DLGAP1: variants seen among roughly 807,000 people sequenced by gnomAD.
The protein encoded by DLGAP1 is DLG associated protein 1.
DLGAP1 carries 11 observed loss-of-function variants against 90.8 expected under a neutral mutation model. The ratio of observed to expected loss-of-function variants is 0.12; its 90% CI spans 0.08 to 0.20. The LOEUF (loss-of-function observed/expected upper bound fraction) is 0.20. Ranked by LOEUF, DLGAP1 falls within the 10% of genes least tolerant of loss-of-function variation. DLGAP1 has a pLI of 1.00. For missense variants in DLGAP1, 1,050 were observed against 1,333.8 expected (o/e 0.79, Z 3.31); for synonymous variants, 558 against 540.7 (o/e 1.03, Z -0.44).
At chr18:3,556,091 A>G (rs116576765) in intron 9 of DLGAP1, among the ~76,000 whole-genome samples, 65 of 152,330 alleles carry the variant, frequency 4.3e-4, no homozygotes, top group African/African-American at 1.5e-3. Context: ...CACTGAGGTT[A>G]ATGCTATAGT....
chr18:4,187,389 A>G (rs1004013847), intron 1 of DLGAP1, among the ~76,000 whole-genome samples: 2 of 152,130 alleles, frequency 1.3e-5, no homozygotes, highest in African/African-American at 4.8e-5. Flanking sequence ...GTTCCAAGAT[A>G]TTGATCCCCC....
At chr18:3,600,315 G>A (rs912858637) in intron 7 of DLGAP1, among the ~76,000 whole-genome samples, 2 of 151,844 alleles carry the variant, frequency 1.3e-5, no homozygotes, top group African/African-American at 2.4e-5. Flanking sequence ...GCAATGGCAC[G>A]CACGATCTCG....
chr18:3,650,538 G>A (rs1287879052), intron 7 of DLGAP1, among the ~76,000 whole-genome samples: 4 of 152,164 alleles, frequency 2.6e-5, no homozygotes, highest in Non-Finnish European at 5.9e-5. Flanking sequence ...GAGAACATTC[G>A]TTTGTTTAGT....
At chr18:3,609,352 TCTTC>T (rs2057484723) in intron 7 of DLGAP1, among the ~76,000 whole-genome samples, 1 of 152,196 alleles carries the variant, frequency 6.6e-6, no homozygotes, top group South Asian at 2.1e-4. Flanking sequence ...CGGGCCTGAG[TCTTC>T]CTTTGGAAGG....
chr18:4,022,831 A>G (rs1396503913), intron 2 of DLGAP1, among the ~76,000 whole-genome samples: 1 of 124,698 alleles, frequency 8.0e-6, no homozygotes, highest in South Asian at 2.6e-4. Context: ...CCATTTCTAT[A>G]TATCTTCACC....
At chr18:4,404,535 C>G (rs771725906) in intron 1 of DLGAP1, among the ~76,000 whole-genome samples, 1 of 152,104 alleles carries the variant, frequency 6.6e-6, no homozygotes, top group Non-Finnish European at 1.5e-5. Flanking sequence ...CAAAAACATA[C>G]AATATTACAT....
At position 3,874,723 on chromosome 18, in the gene DLGAP1, C is replaced by G. The variant is rs1391773047; in HGVS notation, c.957+4389G>C. 2.6e-6 allele frequency: 4 copies of G among 1,525,876 alleles called. 1 individual carries two copies. In the South Asian group the frequency reaches 3.7e-5, roughly 14 times the overall value. 94.5% of individuals were successfully genotyped at this position (1,525,876 alleles called of 1,614,324 possible). A position where few individuals can be genotyped will look rare whatever the true frequency, so the allele number is the denominator to read the frequency against. On this transcript the variant is annotated intron_variant, in intron 4 of 12. Coordinates refer to ENST00000315677, the MANE Select transcript of DLGAP1 (RefSeq NM_004746.4). ...CAAATCCATGTTCCTGCTCCCAACC[C>G]TAATACAGACAGTCACTGGCAGCGG... is the stretch of plus-strand genomic sequence containing the variant.
At chr18:4,071,029 G>A (rs116565313) in intron 2 of DLGAP1, among the ~76,000 whole-genome samples, 9 of 152,096 alleles carry the variant, frequency 5.9e-5, no homozygotes, top group African/African-American at 2.2e-4. Context: ...AGTAACTTAT[G>A]AGAAATGTGA....
intron 7 of DLGAP1, among the ~76,000 whole-genome samples, chr18:3,596,229 G>A (rs1306226268): frequency 6.6e-6 from 1 of 151,684 alleles, no homozygotes; most frequent in Admixed American, 6.6e-5. Flanking sequence ...GTGCGATCTC[G>A]GCTCACTGCA....
At chr18:4,109,290 A>G (rs529640060) in intron 2 of DLGAP1, among the ~76,000 whole-genome samples, 3 of 152,132 alleles carry the variant, frequency 2.0e-5, no homozygotes, top group Non-Finnish European at 4.4e-5. Flanking sequence ...TAATTATATT[A>G]GGCCCACTAA....
chr18:3,657,603 CTTTTT>C (rs1156440850), intron 7 of DLGAP1, among the ~76,000 whole-genome samples: 1 of 134,352 alleles, frequency 7.4e-6, no homozygotes. Context: ...CCATGGAATT[CTTTTT>C]TTTTTTTTTT....
At chr18:3,622,205 T>C (rs1258638902) in intron 7 of DLGAP1, among the ~76,000 whole-genome samples, 7 of 151,564 alleles carry the variant, frequency 4.6e-5, no homozygotes, top group Non-Finnish European at 8.8e-5. Context: ...CCCAGGTTCA[T>C]GCCATTCTCC....
chr18:4,186,726 T>G (rs1488499109), intron 1 of DLGAP1, among the ~76,000 whole-genome samples: 1 of 152,184 alleles, frequency 6.6e-6, no homozygotes, highest in Non-Finnish European at 1.5e-5. Flanking sequence ...CCAGCTTTGT[T>G]CTTTTTGCTT....
At chr18:3,538,700 A>G (rs982983987) in intron 9 of DLGAP1, among the ~76,000 whole-genome samples, 39 of 152,390 alleles carry the variant, frequency 2.6e-4, no homozygotes, top group African/African-American at 9.4e-4. Context: ...CCACGCTCCA[A>G]GATCCTGTAT....
At chr18:3,781,545 G>A (rs925450011) in intron 5 of DLGAP1, among the ~76,000 whole-genome samples, 2 of 151,916 alleles carry the variant, frequency 1.3e-5, no homozygotes, top group Admixed American at 6.6e-5. Context: ...AATAGAGATG[G>A]GGTTTCACCA....
At chr18:3,676,263 G>A (rs1373616384) in intron 7 of DLGAP1, among the ~76,000 whole-genome samples, 12 of 152,158 alleles carry the variant, frequency 7.9e-5, no homozygotes, top group Non-Finnish European at 1.2e-4. Context: ...TTCCCTGCTC[G>A]CTATGTAAAT....
chr18:3,944,876 C>T (rs760172021), intron 3 of DLGAP1, among the ~76,000 whole-genome samples: 4 of 152,162 alleles, frequency 2.6e-5, no homozygotes, highest in Non-Finnish European at 5.9e-5. Context: ...AGATTGGAAC[C>T]TAGCCATGGT....
chr18:4,065,080 CAT>C (rs1473612746), intron 2 of DLGAP1, among the ~76,000 whole-genome samples: 2 of 152,076 alleles, frequency 1.3e-5, no homozygotes, highest in African/African-American at 4.8e-5. Flanking sequence ...ACAAAAACCA[CAT>C]GATTATCTCA....
chr18:3,661,639 C>T (rs546163744), intron 7 of DLGAP1, among the ~76,000 whole-genome samples: 3 of 149,100 alleles, frequency 2.0e-5, no homozygotes, highest in Non-Finnish European at 3.0e-5. Flanking sequence ...TGCAGTGGCA[C>T]GGCCTTGGCT....
Sources: allele counts gnomAD v4.1 joint callset (sites outside exome capture counted in the v4.1 genomes callset), GRCh38; gene constraint gnomAD v4.1.1; transcripts MANE v1.5; gene names NCBI Gene and HGNC (gene_info 2026-07-23, HGNC 2026-07-21).